Variants in ATF6 observed in about 807,000 individuals in gnomAD.
ATF6 encodes activating transcription factor 6.
A neutral mutation model predicts 83.6 loss-of-function variants in ATF6; 53 were observed. The observed-to-expected ratio is 0.63, with a 90% CI of 0.51 to 0.80. ATF6 has a LOEUF of 0.80. Among genes scored for constraint, ATF6 ranks in the 30% least tolerant of loss-of-function variants. The pLI is 0.00. For missense variants in ATF6, 744 were observed against 797.9 expected (o/e 0.93, Z 0.81); for synonymous variants, 288 against 285.8 (o/e 1.01, Z -0.08).
chr1:161,945,483 G>C (rs571487238), intron 15 of ATF6, among the ~76,000 whole-genome samples: 2 of 152,166 alleles, frequency 1.3e-5, no homozygotes, highest in Non-Finnish European at 2.9e-5. Context: ...CACTATGCCA[G>C]TCCAGTATGT....
chr1:161,824,507 A>G (rs931473209), intron 9 of ATF6, among the ~76,000 whole-genome samples: 2 of 151,616 alleles, frequency 1.3e-5, no homozygotes, highest in South Asian at 2.1e-4. Context: ...TCATTTTTCT[A>G]CATAGCACCT....
chr1:161,898,391 G>A (rs879444512), intron 14 of ATF6, among the ~76,000 whole-genome samples: 3 of 152,068 alleles, frequency 2.0e-5, no homozygotes, highest in Admixed American at 6.5e-5. Context: ...AAAGAATAAC[G>A]TACCTCTGGT....
intron 15 of ATF6, among the ~76,000 whole-genome samples, chr1:161,920,658 G>A (rs1688195390): frequency 6.6e-6 from 1 of 151,370 alleles, no homozygotes; most frequent in African/African-American, 2.4e-5. Context: ...CAGTGAATGA[G>A]CCAGTTGCTG....
At chr1:161,792,349 C>T (rs1684903604) in intron 6 of ATF6, 22 bp downstream of exon 6, 1 of 1,601,926 alleles carries the variant, frequency 6.2e-7, no homozygotes, top group African/African-American at 1.3e-5. Context: ...GAATTTAAGG[C>T]TGTGTAAATT....
At chr1:161,912,059 G>A (rs1688001956) in intron 14 of ATF6, among the ~76,000 whole-genome samples, 1 of 152,160 alleles carries the variant, frequency 6.6e-6, no homozygotes, top group Non-Finnish European at 1.5e-5. Flanking sequence ...TAAAAACCTA[G>A]GAGTTTTCCA....
chr1:161,783,686 T>C (rs1684684765), intron 3 of ATF6, among the ~76,000 whole-genome samples: 1 of 152,024 alleles, frequency 6.6e-6, no homozygotes, highest in African/African-American at 2.4e-5. Context: ...ACAACCACTG[T>C]TACCAGTTTC....
chr1:161,780,680 A>T (rs185138324), intron 2 of ATF6, among the ~76,000 whole-genome samples: 2 of 150,996 alleles, frequency 1.3e-5, no homozygotes, highest in East Asian at 3.9e-4. Flanking sequence ...GCCGAGGTGT[A>T]TTTTATTGTT....
chr1:161,898,417 A>G (rs1212496774), intron 14 of ATF6, among the ~76,000 whole-genome samples: 3 of 152,156 alleles, frequency 2.0e-5, no homozygotes, highest in Admixed American at 2.0e-4. Flanking sequence ...GAGAGTACCT[A>G]TAGGCAGTTA....
At chr1:161,856,470 A>G (rs1449292632) in intron 12 of ATF6, among the ~76,000 whole-genome samples, 1 of 152,222 alleles carries the variant, frequency 6.6e-6, no homozygotes, top group South Asian at 2.1e-4. Flanking sequence ...TACCATGGTC[A>G]GAGGAAAAAT....
chr1:161,861,062 T>C (rs1686875975), intron 13 of ATF6, among the ~76,000 whole-genome samples: 1 of 152,156 alleles, frequency 6.6e-6, no homozygotes, highest in African/African-American at 2.4e-5. Flanking sequence ...TGCACAGAGT[T>C]GATATAATGG....
At position 161,953,620 on chromosome 1, in the gene ATF6, T is replaced by A. The variant is rs148898095; in HGVS notation, c.1805-4826T>A. Reference sequence around the variant, plus strand: ...CCTGAATCTCTCCTGTCAGAGGAACTGTTTTTAATTTATTTCAGCAAAAGG... The same window carrying A: ...CCTGAATCTCTCCTGTCAGAGGAACAGTTTTTAATTTATTTCAGCAAAAGG... On this transcript the variant is annotated intron_variant, in intron 15 of 15. Transcript: ENST00000367942. Among the ~76,000 whole-genome samples the A allele has an allele frequency of 2.6e-3, 399 of 152,316 alleles. 1 individual carries two copies. Among genetic ancestry groups the A allele is most frequent in the African/African-American group, 9.1e-3 (377 of 41,572 alleles).
intron 1 of ATF6, among the ~76,000 whole-genome samples, chr1:161,770,349 AG>A (rs1400609147): frequency 6.6e-6 from 1 of 152,198 alleles, no homozygotes; most frequent in Non-Finnish European, 1.5e-5. Flanking sequence ...TAGTCTGCCT[AG>A]GCTGCCATAA....
chr1:161,911,612 A>G (rs756698273), intron 14 of ATF6, among the ~76,000 whole-genome samples: 4 of 152,370 alleles, frequency 2.6e-5, no homozygotes, highest in East Asian at 1.9e-4. Flanking sequence ...CAAAAACTGT[A>G]CAACTTCTTT....
chr1:161,956,153 A>G (rs1688962214), intron 15 of ATF6, among the ~76,000 whole-genome samples: 2 of 152,192 alleles, frequency 1.3e-5, no homozygotes, highest in Admixed American at 1.3e-4. Flanking sequence ...GGGCTGTATT[A>G]GAGAACCTAG....
chr1:161,790,889 G>C (rs1420393411), intron 4 of ATF6, among the ~76,000 whole-genome samples: 1 of 151,928 alleles, frequency 6.6e-6, no homozygotes, highest in Non-Finnish European at 1.5e-5. Context: ...ACAACATTTG[G>C]AACAAAGGCA....
intron 14 of ATF6, chr1:161,891,081 C>T (rs1307908159): frequency 6.6e-6 from 1 of 152,266 alleles, no homozygotes; most frequent in Non-Finnish European, 1.5e-5. Flanking sequence ...AGTTCAGGAG[C>T]TCCGGCTGCA....
At chr1:161,905,155 T>C (rs1038121555) in intron 14 of ATF6, among the ~76,000 whole-genome samples, 23 of 152,118 alleles carry the variant, frequency 1.5e-4, no homozygotes, top group Non-Finnish European at 2.4e-4. Context: ...TTTTCTCCCC[T>C]TCCAGAAATT....
In ATF6 at chr1:161,851,752, C is replaced by T; in HGVS notation, c.1350C>T (p.Ala450=). 54 of 1,613,664 alleles carry T rather than the reference C, an allele frequency of 3.3e-5. No homozygotes were observed. The highest frequency in any genetic ancestry group is 4.6e-5 in the Non-Finnish European group (54 of 1,179,722). The stretch of plus-strand genomic sequence containing the variant: ...ATCATTCTGTTTCAAATGACAAAGC[C>T]CTGATGGTGCTAACTGAAGAACCAT... ...RYDHSVSNDK[A]LMVLTEEPLL... is the part of the protein sequence containing the mutation. The change falls in exon 11 of 16, where the codon GCC becomes GCT. Residue 450 remains alanine (A), a synonymous_variant. Coordinates refer to ENST00000367942, the MANE Select transcript of ATF6 (RefSeq NM_007348.4).
rs749537392 is a variant in ATF6 at position 161,819,741 on chromosome 1, G to C, written c.1018G>C (p.Ala340Pro). The change falls in exon 8 of 16, where the codon GCT becomes CCT. Residue 340 changes from alanine (A) to proline (P), a missense_variant. Physicochemically the swap from Ala to Pro is conservative, Grantham distance 27 (BLOSUM62 -1). Coordinates refer to ENST00000367942, the MANE Select transcript of ATF6 (RefSeq NM_007348.4). ...GCTAGGGTTAGAGGCGAGATTAAAG[G>C]CTGCCCTCTCAGAAAACGAGCAACT... ...YMLGLEARLK[A>P]ALSENEQLKK... 2 of 1,612,944 alleles carry C rather than the reference G, an allele frequency of 1.2e-6. No individual in the cohort carries two copies. The highest frequency in any genetic ancestry group is 1.1e-5 in the South Asian group (1 of 90,930).
Sources: gnomAD v4.1 joint callset for allele counts (sites outside exome capture counted in the v4.1 genomes callset) on GRCh38, gnomAD v4.1.1 for gene constraint, MANE v1.5 for transcripts, NCBI Gene and HGNC (gene_info 2026-07-23, HGNC 2026-07-21) for gene names.